Variants in ERMP1 observed in about 807,000 individuals in gnomAD.
ERMP1 encodes the protein endoplasmic reticulum metallopeptidase 1.
A neutral mutation model predicts 92.0 loss-of-function variants in ERMP1; 86 were observed. That is an observed-to-expected ratio of 0.93 (90% CI 0.79 to 1.12). The LOEUF is 1.12. ERMP1 is among the 50% of genes most tolerant of loss of function. ERMP1 has a pLI of 0.00. For synonymous variants in ERMP1, 530 were observed against 412.8 expected (o/e 1.28, Z -3.44); for missense variants, 1,342 against 1,116.3 (o/e 1.20, Z -2.88).
chr9:5,797,231 G>A (rs117573236), intron 13 of ERMP1, among the ~76,000 whole-genome samples: 5,054 of 151,402 alleles, frequency 0.033, 131 homozygotes, highest in Non-Finnish European at 0.049. Flanking sequence ...TTGTAGAGAC[G>A]GGATGTCACT....
rs371860364 is a variant in ERMP1, at chr9:5,824,395, G to A, written c.769-394C>T. ...TCGAGACCAGCCTGGGCAACATAGCGAGACTCCCTCTTTTTTTGTTTGCTC... is the reference window on the plus strand; with the variant it reads ...TCGAGACCAGCCTGGGCAACATAGCAAGACTCCCTCTTTTTTTGTTTGCTC... On this transcript the variant is annotated intron_variant, in intron 3 of 14. Coordinates refer to ENST00000339450, the MANE Select transcript of ERMP1 (RefSeq NM_024896.3). 2.0e-4 allele frequency among the ~76,000 whole-genome samples: 30 copies of A among 152,234 alleles called. No homozygotes were observed. The South Asian group carries it at 2.1e-3, about 11-fold the overall frequency.
intron 4 of ERMP1, among the ~76,000 whole-genome samples, chr9:5,818,216 A>C (rs1202051348): frequency 6.6e-6 from 1 of 152,154 alleles, no homozygotes; most frequent in Non-Finnish European, 1.5e-5. Context: ...CTTTTGAGGA[A>C]TTCTGCAGTA....
At chr9:5,821,549 G>C (rs745588692) in intron 4 of ERMP1, among the ~76,000 whole-genome samples, 1 of 152,170 alleles carries the variant, frequency 6.6e-6, no homozygotes, top group Non-Finnish European at 1.5e-5. Context: ...ATGTTAGTCA[G>C]TCTGGACCTG....
intron 4 of ERMP1, among the ~76,000 whole-genome samples, chr9:5,816,709 T>C (rs1335316490): frequency 6.6e-6 from 1 of 152,094 alleles, no homozygotes; most frequent in Non-Finnish European, 1.5e-5. Flanking sequence ...GGAAACAACA[T>C]AACAGCACCA....
intron 1 of ERMP1, among the ~76,000 whole-genome samples, chr9:5,832,062 T>C (rs1019416685): frequency 4.6e-5 from 7 of 151,450 alleles, no homozygotes; most frequent in Non-Finnish European, 7.4e-5. Context: ...CTTAATCACC[T>C]TTCCTAGCAT....
chr9:5,825,047 T>A, intron 3 of ERMP1, 45 bp downstream of exon 3: 2 of 1,582,666 alleles, frequency 1.3e-6, no homozygotes, highest in Non-Finnish European at 1.7e-6. Context: ...TTATTATTAA[T>A]CTCATCCTTA....
rs77065916 is a variant in ERMP1, at chr9:5,799,737, A to G, written c.2068-729T>C. Among the ~76,000 whole-genome samples the G allele has an allele frequency of 8.7e-3, 1,331 of 152,358 alleles. 29 individuals are homozygous for G. The highest frequency in any genetic ancestry group is 0.031 in the African/African-American group (1,272 of 41,586). ...AAAATATTATCTTGTCCTTTACAGGAAAAGTTTGCCAACTTCTGGCACAGT... is the reference window on the plus strand; with the variant it reads ...AAAATATTATCTTGTCCTTTACAGGGAAAGTTTGCCAACTTCTGGCACAGT... On this transcript the variant is annotated intron_variant, in intron 11 of 14. Transcript: ENST00000339450.
At chr9:5,793,774 C>A (rs1344695368) in intron 13 of ERMP1, among the ~76,000 whole-genome samples, 1 of 151,986 alleles carries the variant, frequency 6.6e-6, no homozygotes, top group Non-Finnish European at 1.5e-5. Context: ...ATGTAGCTAA[C>A]AATAAAGTGT....
At chr9:5,796,677 A>G (rs1468089955) in intron 13 of ERMP1, among the ~76,000 whole-genome samples, 1 of 152,208 alleles carries the variant, frequency 6.6e-6, no homozygotes, top group East Asian at 1.9e-4. Flanking sequence ...GAAAAGGCAA[A>G]GCTACAGAGA....
upstream of ERMP1, among the ~76,000 whole-genome samples, chr9:5,834,153 T>G (rs1287472693): frequency 6.6e-6 from 1 of 152,262 alleles, no homozygotes; most frequent in African/African-American, 2.4e-5. Flanking sequence ...CCAGCCACAC[T>G]GGCCTCTTTC....
intron 6 of ERMP1, among the ~76,000 whole-genome samples, chr9:5,855,279 T>G (rs917493209): frequency 2.0e-5 from 3 of 152,218 alleles, no homozygotes; most frequent in Non-Finnish European, 4.4e-5. Context: ...TGATTCCTAC[T>G]GTGAAAGATG....
At chr9:5,804,984 A>G (rs748732745) in intron 10 of ERMP1, 43 bp downstream of exon 10, 5 of 1,435,276 alleles carry the variant, frequency 3.5e-6, no homozygotes, top group Non-Finnish European at 4.8e-6. Context: ...ATTCATATTC[A>G]TATAAAAAAT....
Position 5,798,994 on chromosome 9 carries a change from T to C in ERMP1, c.2082A>G (p.Thr694=). Residue 694 remains threonine, a synonymous_variant, in exon 12 of 15, where the codon ACA becomes ACG. Transcript: ENST00000339450. ...CTGCATTTCCTTCCAAGTCATGGAA[T>C]GTTCTAGTCATATGCTGAAAAAAAA... The part of the protein sequence containing the change: ...KRVFLQHMTR[T]FHDLEGNAVK... 6.2e-7 allele frequency: 1 copy of C among 1,613,386 alleles called. No homozygotes were observed.
chr9:5,855,342 G>C (rs941114638), intron 6 of ERMP1, among the ~76,000 whole-genome samples: 3 of 152,196 alleles, frequency 2.0e-5, no homozygotes, highest in African/African-American at 7.2e-5. Context: ...CAATTTCATT[G>C]TCACCAGGAG....
At chr9:5,789,439 C>T (rs931297846) in intron 13 of ERMP1, among the ~76,000 whole-genome samples, 7 of 152,224 alleles carry the variant, frequency 4.6e-5, no homozygotes, top group African/African-American at 1.7e-4. Flanking sequence ...ATCAGGATTA[C>T]AGAAAACCAA....
chr9:5,790,502 G>C (rs1828143837), intron 13 of ERMP1, among the ~76,000 whole-genome samples: 2 of 152,046 alleles, frequency 1.3e-5, no homozygotes, highest in Non-Finnish European at 2.9e-5. Context: ...ATTTCAACTT[G>C]GCTTACAAAG....
intron 14 of ERMP1, 28 bp downstream of exon 14, chr9:5,787,402 G>A: frequency 1.9e-6 from 3 of 1,608,974 alleles, no homozygotes; most frequent in Non-Finnish European, 2.5e-6. Context: ...CCTAATCAAT[G>A]AAACAAACAA....
chr9:5,845,540 G>A (rs547719502), intron 6 of ERMP1, among the ~76,000 whole-genome samples: 14 of 151,966 alleles, frequency 9.2e-5, no homozygotes, highest in Non-Finnish European at 1.5e-4. Context: ...TTGATTGATC[G>A]ATCGATAGAT....
At chr9:5,843,677 G>A (rs1054279190) in intron 6 of ERMP1, among the ~76,000 whole-genome samples, 2 of 152,212 alleles carry the variant, frequency 1.3e-5, no homozygotes, top group African/African-American at 4.8e-5. Flanking sequence ...TATTTTGCAG[G>A]AACAGTGAAT....
Sources: allele counts gnomAD v4.1 joint callset (sites outside exome capture counted in the v4.1 genomes callset), GRCh38; gene constraint gnomAD v4.1.1; transcripts MANE v1.5; gene names NCBI Gene and HGNC (gene_info 2026-07-23, HGNC 2026-07-21).